The following APBB2 variants were observed in gnomAD, a reference collection of about 807,000 sequenced individuals.
APBB2 encodes Fe65-like 1.
In APBB2, 38 loss-of-function variants were observed where a neutral mutation model predicts 82.5. That is an observed-to-expected ratio of 0.46 (90% CI 0.36 to 0.60). APBB2 has a LOEUF of 0.60. Ranked by LOEUF, APBB2 falls within the 20% of genes least tolerant of loss-of-function variation. The pLI is 0.00. For synonymous variants in APBB2, 341 were observed against 368.2 expected (o/e 0.93, Z 0.85); for missense variants, 772 against 972.3 (o/e 0.79, Z 2.74).
chr4:40,954,439 T>C (rs1164928471), intron 6 of APBB2, among the ~76,000 whole-genome samples: 1 of 152,108 alleles, frequency 6.6e-6, no homozygotes, highest in Admixed American at 6.5e-5. Context: ...GTCTACTCTG[T>C]GCCAGACACT....
At chr4:40,853,479 T>C (rs1760156251) in intron 12 of APBB2, among the ~76,000 whole-genome samples, 1 of 151,808 alleles carries the variant, frequency 6.6e-6, no homozygotes, top group East Asian at 1.9e-4. Flanking sequence ...GCGATGGAGT[T>C]TCGCTCGTTG....
At chr4:40,998,916 G>A (rs1804373163) in intron 6 of APBB2, among the ~76,000 whole-genome samples, 4 of 152,056 alleles carry the variant, frequency 2.6e-5, no homozygotes, top group South Asian at 2.1e-4. Flanking sequence ...CATCCTGGGC[G>A]GGATGAAGCA....
At chr4:40,932,599 TA>T (rs1784464598) in intron 10 of APBB2, among the ~76,000 whole-genome samples, 1 of 151,788 alleles carries the variant, frequency 6.6e-6, no homozygotes, top group Non-Finnish European at 1.5e-5. Flanking sequence ...TCAGAACAAA[TA>T]AAAAAGAATC....
chr4:40,815,039 G>C lies in APBB2; in HGVS notation c.*1053C>G, dbSNP rs970333199. ...GCTTTCTGGGCAAAAAGCATCAGAG[G>C]GGGATAGAGCTGGATGCAGAATTCC... On this transcript the variant is annotated 3_prime_UTR_variant, in exon 18 of 18. Transcript: ENST00000508593. The C allele has an allele frequency of 3.1e-4, 48 of 152,636 alleles. No individual in the cohort carries two copies. The highest frequency in any genetic ancestry group is 5.8e-4 in the African/African-American group (24 of 41,568). The allele number at this position is 152,636 out of a possible 1,614,324, so 9.5% of individuals were successfully genotyped here.
At chr4:41,182,174 G>C (rs1172654818) in intron 1 of APBB2, among the ~76,000 whole-genome samples, 1 of 152,060 alleles carries the variant, frequency 6.6e-6, no homozygotes, top group African/African-American at 2.4e-5. Context: ...AAAGTCAAGG[G>C]CTGTCTATAT....
intron 4 of APBB2, among the ~76,000 whole-genome samples, chr4:41,034,335 G>GT (rs1433701096): frequency 2.6e-5 from 4 of 151,948 alleles, no homozygotes; most frequent in Non-Finnish European, 4.4e-5. Context: ...TTGGTTTTTT[G>GT]TTTTTTTGCA....
At chr4:40,949,349 G>A (rs533214636) in intron 6 of APBB2, among the ~76,000 whole-genome samples, 7 of 152,210 alleles carry the variant, frequency 4.6e-5, no homozygotes, top group Admixed American at 4.6e-4. Flanking sequence ...AACCACAGCA[G>A]CACCCATTTT....
intron 4 of APBB2, among the ~76,000 whole-genome samples, chr4:41,038,521 A>G (rs533905481): frequency 6.6e-6 from 1 of 152,266 alleles, no homozygotes; most frequent in African/African-American, 2.4e-5. Context: ...TCTATCGCAG[A>G]TCTACAATGC....
chr4:41,155,041 G>A (rs1763126791), intron 1 of APBB2, among the ~76,000 whole-genome samples: 1 of 152,160 alleles, frequency 6.6e-6, no homozygotes, highest in African/African-American at 2.4e-5. Flanking sequence ...TAAATCATAA[G>A]TAGTTTGAAC....
chr4:41,159,940 GAGGAGA>G (rs1278953421), intron 1 of APBB2, among the ~76,000 whole-genome samples: 567 of 39,966 alleles, frequency 0.014, 73 homozygotes, highest in South Asian at 0.031. Context: ...GGAGGAGGAG[GAGGAGA>G]AGGAGAAGGA....
At chr4:41,189,085 CAAG>C (rs1773720450) in intron 1 of APBB2, among the ~76,000 whole-genome samples, 1 of 152,098 alleles carries the variant, frequency 6.6e-6, no homozygotes, top group African/African-American at 2.4e-5. Flanking sequence ...AAGGCAAATA[CAAG>C]AATATTCATA....
chr4:40,932,947 T>G (rs187597913), intron 10 of APBB2, among the ~76,000 whole-genome samples: 1,556 of 152,304 alleles, frequency 0.01, 20 homozygotes, highest in African/African-American at 0.036. Context: ...CACTGCAACC[T>G]CTGCCTCCTG....
At chr4:41,063,133 G>A (rs1350842496) in intron 4 of APBB2, among the ~76,000 whole-genome samples, 1 of 152,190 alleles carries the variant, frequency 6.6e-6, no homozygotes, top group African/African-American at 2.4e-5. Flanking sequence ...TGTCAAAAAT[G>A]CTCAAGTACT....
chr4:41,032,860 C>T (rs1029651124), intron 5 of APBB2, among the ~76,000 whole-genome samples: 8 of 132,066 alleles, frequency 6.1e-5, no homozygotes, highest in African/African-American at 2.2e-4. Flanking sequence ...TCTCGACTCA[C>T]TGCAAGCTCC....
intron 2 of APBB2, among the ~76,000 whole-genome samples, chr4:41,105,759 G>A (rs181959316): frequency 5.3e-4 from 81 of 152,054 alleles, no homozygotes; most frequent in South Asian, 1.5e-3. Flanking sequence ...GGTAGCGGGC[G>A]CCTGTAGTCC....
At chr4:41,101,133 A>G (rs892399731) in intron 2 of APBB2, among the ~76,000 whole-genome samples, 1 of 152,208 alleles carries the variant, frequency 6.6e-6, no homozygotes, top group African/African-American at 2.4e-5. Flanking sequence ...CCACTTCCAA[A>G]CATGAGCTCA....
At position 40,815,788 on chromosome 4, in the gene APBB2, T is replaced by C. The variant is rs1453808596; in HGVS notation, c.*304A>G. On this transcript the variant is annotated 3_prime_UTR_variant, in exon 18 of 18. Transcript: ENST00000508593. ...CGCAGCGTTAGTTCACTAGGAGGGG[T>C]GGGGCCACACTCTTCTCTGTGTGTG... The C allele has an allele frequency of 1.4e-5, 4 of 286,092 alleles. No individual in the cohort carries two copies. Among genetic ancestry groups the C allele is most frequent in the Non-Finnish European group, 2.7e-5 (4 of 149,796 alleles). 17.7% of individuals were successfully genotyped at this position (286,092 alleles called of 1,614,324 possible). A position where few individuals can be genotyped will look rare whatever the true frequency, so the allele number is the denominator to read the frequency against.
chr4:41,129,521 G>A (rs1170475964), intron 2 of APBB2, among the ~76,000 whole-genome samples: 1 of 152,180 alleles, frequency 6.6e-6, no homozygotes, highest in Non-Finnish European at 1.5e-5. Flanking sequence ...ACAGAAGTTT[G>A]GACACATTGT....
intron 13 of APBB2, among the ~76,000 whole-genome samples, chr4:40,829,511 G>A (rs1751130882): frequency 6.6e-6 from 1 of 152,190 alleles, no homozygotes; most frequent in Non-Finnish European, 1.5e-5. Context: ...AAAGAGAATT[G>A]GGGGACCTTT....
Sources: gnomAD v4.1 joint callset for allele counts (sites outside exome capture counted in the v4.1 genomes callset) on GRCh38, gnomAD v4.1.1 for gene constraint, MANE v1.5 for transcripts, NCBI Gene and HGNC (gene_info 2026-07-23, HGNC 2026-07-21) for gene names.